AKAP12: variants seen among roughly 807,000 people sequenced by gnomAD.
The protein encoded by AKAP12 is A-kinase anchor protein 12.
In AKAP12, 32 loss-of-function variants were observed where a neutral mutation model predicts 79.9. The ratio of observed to expected loss-of-function variants is 0.40; its 90% CI spans 0.30 to 0.54. AKAP12 has a LOEUF of 0.54. Ranked by LOEUF, AKAP12 falls within the 20% of genes least tolerant of loss-of-function variation. The probability of loss-of-function intolerance (pLI) is 0.48; values close to 1 mark genes in which losing one functional copy is unlikely to be tolerated. For missense variants in AKAP12, 2,074 were observed against 2,177.0 expected (o/e 0.95, Z 0.94); for synonymous variants, 808 against 857.0 (o/e 0.94, Z 1.00).
At chr6:151,338,480 G>C (rs1341760620) in intron 3 of AKAP12, among the ~76,000 whole-genome samples, 1 of 149,470 alleles carries the variant, frequency 6.7e-6, no homozygotes, top group African/African-American at 2.5e-5. Context: ...CCCCGAGATG[G>C]AGTCTTGCTC....
chr6:151,306,946 T>A (rs1234901895), intron 3 of AKAP12, among the ~76,000 whole-genome samples: 1 of 152,236 alleles, frequency 6.6e-6, no homozygotes, highest in Non-Finnish European at 1.5e-5. Context: ...TTTCCCATGT[T>A]AACTTTTGAA....
intron 3 of AKAP12, 31 bp from the exon 4 acceptor site, chr6:151,348,680 T>TTA: frequency 2.8e-6 from 1 of 355,198 alleles, no homozygotes; most frequent in Non-Finnish European, 5.5e-6. Flanking sequence ...TTTTCTCTTC[T>TTA]CCCCACCCCC....
intron 3 of AKAP12, chr6:151,325,027 G>A: frequency 1.0e-6 from 1 of 985,468 alleles, no homozygotes; most frequent in Non-Finnish European, 1.2e-6. Flanking sequence ...CCATGCTCAA[G>A]TCTGCTTTTG....
chr6:151,265,913 T>C (rs1797541961), intron 2 of AKAP12, among the ~76,000 whole-genome samples: 1 of 152,248 alleles, frequency 6.6e-6, no homozygotes, highest in Non-Finnish European at 1.5e-5. Context: ...TATGTAATAT[T>C]CTTTTCGTTC....
chr6:151,298,967 A>G (rs900606228), intron 2 of AKAP12: 1 of 152,200 alleles, frequency 6.6e-6, no homozygotes, highest in African/African-American at 2.4e-5. Flanking sequence ...TTTACAGAGA[A>G]TGGGGAAGAT....
intron 2 of AKAP12, among the ~76,000 whole-genome samples, chr6:151,292,163 A>T (rs796469811): frequency 1.3e-5 from 2 of 152,346 alleles, no homozygotes; most frequent in African/African-American, 4.8e-5. Context: ...GGAGTTGAAC[A>T]TAATAGGATA....
intron 3 of AKAP12, among the ~76,000 whole-genome samples, chr6:151,330,185 A>T (rs1193535434): frequency 2.0e-5 from 3 of 152,176 alleles, no homozygotes; most frequent in Non-Finnish European, 2.9e-5. Context: ...TTAGCTGTGC[A>T]TGGTGGCACA....
intron 2 of AKAP12, among the ~76,000 whole-genome samples, chr6:151,248,812 A>AC (rs1797122923): frequency 6.6e-6 from 1 of 151,974 alleles, no homozygotes; most frequent in Non-Finnish European, 1.5e-5. Flanking sequence ...ACATGGTGAA[A>AC]CCCCATCTCT....
At chr6:151,293,532 C>T (rs1033557196) in intron 2 of AKAP12, among the ~76,000 whole-genome samples, 7 of 152,148 alleles carry the variant, frequency 4.6e-5, no homozygotes, top group East Asian at 1.9e-4. Context: ...CTCAGAGCAG[C>T]GGGTGGTGGG....
intron 3 of AKAP12, among the ~76,000 whole-genome samples, chr6:151,312,734 G>A (rs563466263): frequency 1.4e-5 from 2 of 145,988 alleles, no homozygotes; most frequent in Non-Finnish European, 3.0e-5. Flanking sequence ...GGAGGTTGTA[G>A]TAAGCCGAGA....
At chr6:151,319,541 G>GATAT (rs1562736651) in intron 3 of AKAP12, 3 of 68,544 alleles carry the variant, frequency 4.4e-5, no homozygotes, top group South Asian at 1.1e-3. Context: ...TATATATATA[G>GATAT]ATATAGATAT....
At chr6:151,272,653 A>G (rs1370653223) in intron 2 of AKAP12, among the ~76,000 whole-genome samples, 3 of 152,108 alleles carry the variant, frequency 2.0e-5, no homozygotes, top group East Asian at 1.9e-4. Flanking sequence ...TTCCTGCCTC[A>G]GCCTCCCCAG....
intron 2 of AKAP12, among the ~76,000 whole-genome samples, chr6:151,287,664 C>G (rs553562369): frequency 1.4e-3 from 218 of 152,300 alleles, no homozygotes; most frequent in African/African-American, 5.2e-3. Context: ...GGCGATTCCT[C>G]AAGGATCTAG....
At chr6:151,325,405 C>CGGCTCCAG (rs1270578507) in intron 3 of AKAP12, 1 of 985,298 alleles carries the variant, frequency 1.0e-6, no homozygotes, top group African/African-American at 1.7e-5. Flanking sequence ...TCCAATGCGC[C>CGGCTCCAG]GGCTCCAGCA....
chr6:151,311,808 C>T (rs1475444395), intron 3 of AKAP12, among the ~76,000 whole-genome samples: 1 of 152,166 alleles, frequency 6.6e-6, no homozygotes, highest in African/African-American at 2.4e-5. Context: ...TAATCCCAGC[C>T]CTCCCTAAAG....
At chr6:151,332,683 C>A (rs1376411720) in intron 3 of AKAP12, among the ~76,000 whole-genome samples, 1 of 152,184 alleles carries the variant, frequency 6.6e-6, no homozygotes, top group East Asian at 1.9e-4. Context: ...TTTTCCTGCG[C>A]TTTGAAGTGT....
At chr6:151,276,041 T>C (rs373316972) in intron 2 of AKAP12, among the ~76,000 whole-genome samples, 1 of 152,240 alleles carries the variant, frequency 6.6e-6, no homozygotes, top group East Asian at 1.9e-4. Context: ...CCACTAAGCA[T>C]TTGTTTGCCT....
chr6:151,259,507 TATATACACAC>T (rs1164548756), intron 2 of AKAP12, among the ~76,000 whole-genome samples: 409 of 122,474 alleles, frequency 3.3e-3, no homozygotes, highest in Middle Eastern at 0.014. Flanking sequence ...CATGTATATA[TATATACACAC>T]ACACACACAC....
chr6:151,250,678 T>C (rs1425711255), intron 2 of AKAP12, among the ~76,000 whole-genome samples: 5 of 150,580 alleles, frequency 3.3e-5, no homozygotes, highest in South Asian at 2.1e-4. Context: ...CGATCTCGGC[T>C]CACTGCAAAC....
Sources: gnomAD v4.1 joint callset for allele counts (sites outside exome capture counted in the v4.1 genomes callset) on GRCh38, gnomAD v4.1.1 for gene constraint, MANE v1.5 for transcripts, NCBI Gene and HGNC (gene_info 2026-07-23, HGNC 2026-07-21) for gene names.